The following STEAP4 variants were observed in gnomAD, a reference collection of about 807,000 sequenced individuals.
The protein encoded by STEAP4 is metalloreductase STEAP4.
Under a neutral mutation model 43.6 loss-of-function variants are expected in STEAP4, and 36 were observed. The observed-to-expected ratio is 0.83, with a 90% CI of 0.63 to 1.09. The LOEUF is 1.09. STEAP4 is among the 50% of genes least tolerant of loss of function. The pLI, the probability that STEAP4 is intolerant of heterozygous loss-of-function variation, is 0.00. For missense variants in STEAP4, 495 were observed against 546.5 expected, an observed-to-expected ratio of 0.91 and a Z score of 0.94; for synonymous variants, 191 against 196.7, an observed-to-expected ratio of 0.97 and a Z score of 0.24.
rs916790474 is a variant in STEAP4 at position 88,274,223 on chromosome 7, C to T, written c.*5175G>A. Reference sequence around the variant, plus strand: ...AGGATAAGAAGAGAACCTTAGAGAACTGTTATGAGGATTAAATAAGATAAT... The same window carrying T: ...AGGATAAGAAGAGAACCTTAGAGAATTGTTATGAGGATTAAATAAGATAAT... On this transcript the variant is annotated 3_prime_UTR_variant, in exon 5 of 5. Coordinates refer to ENST00000380079, the MANE Select transcript of STEAP4 (RefSeq NM_024636.4). 6.6e-6 allele frequency: 1 copy of T among 152,172 alleles called. No individual in the cohort carries two copies. The highest frequency in any genetic ancestry group is 1.5e-5 in the Non-Finnish European group (1 of 68,040). 9.4% of individuals were successfully genotyped at this position (152,172 alleles called of 1,614,324 possible).
intron 1 of STEAP4, chr7:88,304,385 A>T (rs1276760899): frequency 6.6e-6 from 1 of 152,198 alleles, no homozygotes; most frequent in East Asian, 1.9e-4. Context: ...CAGAGATCTT[A>T]TCTCTGTAAA....
At position 88,305,366 on chromosome 7, in the gene STEAP4, A is replaced by G. The variant is rs142650713; in HGVS notation, c.-3+1426T>C. Reference sequence around the variant, plus strand: ...CAGGTCAAATCTCATATTGTGCTAAATCACAGCATTCTGAAAAACTTGGGA... The same window carrying G: ...CAGGTCAAATCTCATATTGTGCTAAGTCACAGCATTCTGAAAAACTTGGGA... On this transcript the variant is annotated intron_variant, in intron 1 of 4. Coordinates refer to ENST00000380079, the MANE Select transcript of STEAP4 (RefSeq NM_024636.4). Among the ~76,000 whole-genome samples, 105 of 152,316 alleles carry G rather than the reference A, an allele frequency of 6.9e-4. 1 individual carries two copies. Among genetic ancestry groups the G allele is most frequent in the African/African-American group, 2.4e-3 (99 of 41,572 alleles).
chr7:88,303,193 A>C (rs1370688429), intron 1 of STEAP4, among the ~76,000 whole-genome samples: 1 of 142,732 alleles, frequency 7.0e-6, no homozygotes, highest in Non-Finnish European at 1.6e-5. Flanking sequence ...TTAAAAAAAA[A>C]AAAAAAAAAA....
intron 1 of STEAP4, among the ~76,000 whole-genome samples, chr7:88,301,451 T>C (rs1201901636): frequency 1.3e-5 from 2 of 152,136 alleles, no homozygotes; most frequent in Non-Finnish European, 2.9e-5. Context: ...GTTTTAATTT[T>C]TATTTTTTGT....
chr7:88,285,913 T>G (rs574157303), intron 1 of STEAP4, among the ~76,000 whole-genome samples: 3 of 152,250 alleles, frequency 2.0e-5, no homozygotes, highest in Admixed American at 6.5e-5. Context: ...TAGCTAATGT[T>G]GTAATGACCC....
chr7:88,285,756 C>CAAAAAAAAAAAAAAAAAAAAAAAAAA (rs371254467), intron 1 of STEAP4, among the ~76,000 whole-genome samples: 2 of 78,350 alleles, frequency 2.6e-5, no homozygotes, highest in South Asian at 5.0e-4. Flanking sequence ...GACTTTGTCT[C>CAAAAAAAAAAAAAAAAAAAAAAAAAA]AAAAAAAAAA....
intron 4 of STEAP4, 53 bp downstream of exon 4, chr7:88,280,862 T>G: frequency 1.4e-6 from 2 of 1,456,036 alleles, no homozygotes; most frequent in South Asian, 2.9e-5. Context: ...ATATGATTGC[T>G]AGGGAAGTGA....
chr7:88,298,856 A>G (rs1852977346), intron 1 of STEAP4, among the ~76,000 whole-genome samples: 2 of 152,186 alleles, frequency 1.3e-5, no homozygotes. Flanking sequence ...AATGTTTTGT[A>G]TCCCATAGCA....
At position 88,283,391 on chromosome 7, in the gene STEAP4, A is replaced by T. The variant is rs143084999; in HGVS notation, c.457-223T>A. The T allele has an allele frequency of 3.9e-4, 201 of 516,798 alleles. 1 individual carries two copies. The highest frequency in any genetic ancestry group is 3.5e-3 in the African/African-American group (180 of 51,384). 32.0% of individuals were successfully genotyped at this position (516,798 alleles called of 1,614,324 possible). The stretch of plus-strand genomic sequence containing the variant: ...TTTTTAGTTGATGATGGTTTTAGGC[A>T]CATCACACTTATAAAAGACATGGTT... On this transcript the variant is annotated intron_variant, in intron 2 of 4. Transcript: ENST00000380079.
chr7:88,292,573 T>TCC (rs929803175), intron 1 of STEAP4: 116 of 152,110 alleles, frequency 7.6e-4, no homozygotes, highest in African/African-American at 2.6e-3. Flanking sequence ...GAGTACAATA[T>TCC]CCAAACCAGG....
chr7:88,279,885 T>C (rs553611188), intron 4 of STEAP4, among the ~76,000 whole-genome samples: 1 of 151,858 alleles, frequency 6.6e-6, no homozygotes, highest in South Asian at 2.1e-4. Flanking sequence ...TTCCCAGGAG[T>C]AAACTCTTCC....
intron 3 of STEAP4, chr7:88,281,389 C>T: frequency 5.0e-6 from 1 of 200,184 alleles, no homozygotes; most frequent in Non-Finnish European, 1.0e-5. Flanking sequence ...GTTCCCCAAG[C>T]AAAACTTGAT....
intron 1 of STEAP4, among the ~76,000 whole-genome samples, chr7:88,301,836 A>G (rs1226937947): frequency 6.6e-6 from 1 of 152,180 alleles, no homozygotes; most frequent in Non-Finnish European, 1.5e-5. Context: ...TCAGCCTCCC[A>G]CAGTGCTGGG....
In STEAP4 at chr7:88,274,319, A is replaced by G. The variant is rs950920696; in HGVS notation, c.*5079T>C. ...TAAGTATCATTAAAAGCCTTCCAAA[A>G]TTCCCTTACAGCAGAAAGCAAGTAG... is the stretch of plus-strand genomic sequence containing the variant. On this transcript the variant is annotated 3_prime_UTR_variant, in exon 5 of 5. Coordinates refer to ENST00000380079, the MANE Select transcript of STEAP4 (RefSeq NM_024636.4). 1 of 152,212 alleles carries G rather than the reference A, an allele frequency of 6.6e-6. No homozygotes were observed. The highest frequency in any genetic ancestry group is 6.5e-5 in the Admixed American group (1 of 15,286). The allele number at this position is 152,212 out of a possible 1,614,324, so 9.4% of individuals were successfully genotyped here.
rs531439489 is a variant in STEAP4 at position 88,283,078 on chromosome 7, G to C, written c.547C>G (p.Leu183Val). 5.6e-6 allele frequency: 9 copies of C among 1,612,790 alleles called. No individual in the cohort carries two copies. In the South Asian group the frequency reaches 9.9e-5, roughly 18 times the overall value. Residue 183 changes from leucine (L) to valine (V), a missense_variant, in exon 3 of 5, where the codon CTC becomes GTC. Coordinates refer to ENST00000380079, the MANE Select transcript of STEAP4 (RefSeq NM_024636.4). Reference protein sequence around the residue: ...LGLTPMDQGSLMAAKEIEKYP... With the variant: ...LGLTPMDQGSVMAAKEIEKYP... ...TTTTCAATTTCTTTGGCTGCCATGA[G>C]TGATCCTTGATCCATTGGAGTAAGT...
chr7:88,279,649 T>C, intron 4 of STEAP4, 21 bp from the exon 5 acceptor site: 1 of 1,562,890 alleles, frequency 6.4e-7, no homozygotes, highest in Non-Finnish European at 8.7e-7. Flanking sequence ...GAAACAAAAA[T>C]ATGTAAGTTA....
intron 1 of STEAP4, among the ~76,000 whole-genome samples, chr7:88,298,526 GA>G (rs1852970700): frequency 6.7e-6 from 1 of 148,528 alleles, no homozygotes; most frequent in Non-Finnish European, 1.5e-5. Flanking sequence ...ACTCCAGGGG[GA>G]GAGGAACTTG....
At chr7:88,293,353 A>G (rs938851335) in intron 1 of STEAP4, among the ~76,000 whole-genome samples, 4 of 152,072 alleles carry the variant, frequency 2.6e-5, no homozygotes, top group Admixed American at 2.6e-4. Context: ...TATTCTACAT[A>G]TGAGTCTTTT....
At chr7:88,299,312 T>C (rs1852988560) in intron 1 of STEAP4, among the ~76,000 whole-genome samples, 1 of 152,190 alleles carries the variant, frequency 6.6e-6, no homozygotes, top group Non-Finnish European at 1.5e-5. Flanking sequence ...ATCAGGTAGG[T>C]TCATTATCTG....
Sources: gnomAD v4.1 joint callset for allele counts (sites outside exome capture counted in the v4.1 genomes callset) on GRCh38, gnomAD v4.1.1 for gene constraint, MANE v1.5 for transcripts, NCBI Gene and HGNC (gene_info 2026-07-23, HGNC 2026-07-21) for gene names.